The following DNAI1 variants were observed in gnomAD, a reference collection of about 807,000 sequenced individuals.
DNAI1 encodes the protein dynein, axonemal, intermediate polypeptide 1.
DNAI1 carries 67 observed loss-of-function variants against 92.0 expected under a neutral mutation model. That is an observed-to-expected ratio of 0.73 (90% CI 0.60 to 0.89). The LOEUF (loss-of-function observed/expected upper bound fraction) is 0.89, where lower values mean the gene tolerates loss of function less well. Ranked by LOEUF, DNAI1 falls within the 40% of genes least tolerant of loss-of-function variation. DNAI1 has a pLI of 0.00. For synonymous variants in DNAI1, 323 were observed against 319.6 expected (o/e 1.01, Z -0.11); for missense variants, 839 against 866.6 (o/e 0.97, Z 0.40).
intron 1 of DNAI1, among the ~76,000 whole-genome samples, chr9:34,477,557 C>A (rs991161925): frequency 2.0e-5 from 3 of 151,760 alleles, no homozygotes; most frequent in African/African-American, 7.3e-5. Flanking sequence ...TCAGGGAGAT[C>A]AAATGTGGTT....
intron 8 of DNAI1, among the ~76,000 whole-genome samples, chr9:34,492,532 A>ATATATATATATATT (rs1824630371): frequency 8.3e-6 from 1 of 120,296 alleles, no homozygotes; most frequent in South Asian, 2.7e-4. Context: ...ATATATATAT[A>ATATATATATATATT]TATTTGAGAC....
chr9:34,513,872 G>C (rs958480618), intron 16 of DNAI1, among the ~76,000 whole-genome samples: 2 of 151,350 alleles, frequency 1.3e-5, no homozygotes, highest in African/African-American at 4.8e-5. Context: ...GGAGAAAGGG[G>C]CATGCTGGTC....
rs1419781462 is a variant in DNAI1 at position 34,506,744 on chromosome 9, A to G, written c.1181A>G (p.Asp394Gly). 2 of 1,614,012 alleles carry G rather than the reference A, an allele frequency of 1.2e-6. No individual in the cohort carries two copies. The highest frequency in any genetic ancestry group is 2.7e-5 in the African/African-American group (2 of 74,922). The change falls in exon 13 of 20, where the codon GAC (aspartate) becomes GGC (glycine). Residue 394 changes from aspartate (D) to glycine (G), a missense_variant. Coordinates refer to ENST00000242317, the MANE Select transcript of DNAI1 (RefSeq NM_012144.4). ...GTCATGTGTCTCGACATCCACGTGG[A>G]CCACCCCTACCTGGTGGCAGTAGGC... ...SGVMCLDIHV[D>G]HPYLVAVGHY...
intron 13 of DNAI1, among the ~76,000 whole-genome samples, chr9:34,511,140 G>C (rs1009646045): frequency 6.6e-6 from 1 of 152,132 alleles, no homozygotes; most frequent in Non-Finnish European, 1.5e-5. Context: ...CAGCATGGGC[G>C]GTCTGGAGGG....
In DNAI1 at chr9:34,513,203, C is replaced by T. The variant is rs200801942; in HGVS notation, c.1569+12C>T. ...GAAAAATCTACAAGGTGAGGCTGCCCTGTGCCAGCTCCTTAGAAGGCCGCT... is the reference window on the plus strand; with the variant it reads ...GAAAAATCTACAAGGTGAGGCTGCCTTGTGCCAGCTCCTTAGAAGGCCGCT... On this transcript the variant is annotated intron_variant, in intron 16 of 19. Coordinates refer to ENST00000242317, the MANE Select transcript of DNAI1 (RefSeq NM_012144.4). 1.2e-6 allele frequency: 2 copies of T among 1,610,118 alleles called. No homozygotes were observed. The highest frequency in any genetic ancestry group is 1.7e-6 in the Non-Finnish European group (2 of 1,176,430).
intron 1 of DNAI1, among the ~76,000 whole-genome samples, chr9:34,469,965 T>C (rs1418618565): frequency 6.6e-6 from 1 of 152,200 alleles, no homozygotes; most frequent in African/African-American, 2.4e-5. Flanking sequence ...GCTTACACTG[T>C]ATACAGAAAT....
At chr9:34,481,407 T>C (rs1162452730) in intron 1 of DNAI1, among the ~76,000 whole-genome samples, 1 of 152,178 alleles carries the variant, frequency 6.6e-6, no homozygotes, top group African/African-American at 2.4e-5. Context: ...ATGCTGAAAC[T>C]GGGTTGCCTC....
intron 12 of DNAI1, among the ~76,000 whole-genome samples, chr9:34,505,386 A>T (rs1824906166): frequency 6.6e-6 from 1 of 152,078 alleles, no homozygotes; most frequent in South Asian, 2.1e-4. Context: ...TCTTTCCCTT[A>T]TAAGAACCCT....
At chr9:34,481,334 A>C (rs1322268257) in intron 1 of DNAI1, among the ~76,000 whole-genome samples, 1 of 152,272 alleles carries the variant, frequency 6.6e-6, no homozygotes, top group Non-Finnish European at 1.5e-5. Context: ...TTGTTGAACC[A>C]GTTGCAAATA....
intron 19 of DNAI1, among the ~76,000 whole-genome samples, chr9:34,519,627 G>T (rs1026566083): frequency 6.6e-6 from 1 of 152,154 alleles, no homozygotes; most frequent in South Asian, 2.1e-4. Context: ...GTCACAGCAG[G>T]GGGAAATCTG....
intron 1 of DNAI1, among the ~76,000 whole-genome samples, chr9:34,481,682 G>A (rs1039521743): frequency 6.6e-6 from 1 of 152,186 alleles, no homozygotes; most frequent in African/African-American, 2.4e-5. Flanking sequence ...CAGGAGTGAA[G>A]CTGCAGACCT....
chr9:34,511,785 C>T (rs938941985), intron 13 of DNAI1, among the ~76,000 whole-genome samples: 2 of 152,190 alleles, frequency 1.3e-5, no homozygotes, highest in African/African-American at 4.8e-5. Flanking sequence ...TAGCCACTGC[C>T]TTCTCCCCAC....
chr9:34,474,306 C>T (rs1824198846), intron 1 of DNAI1, among the ~76,000 whole-genome samples: 1 of 151,778 alleles, frequency 6.6e-6, no homozygotes. Context: ...TCAGTCTCAG[C>T]TTACTGCAGC....
chr9:34,511,177 C>G (rs1825058400), intron 13 of DNAI1, among the ~76,000 whole-genome samples: 1 of 152,226 alleles, frequency 6.6e-6, no homozygotes, highest in Non-Finnish European at 1.5e-5. Context: ...ACTCTGGGCA[C>G]CCAGCCCCAC....
intron 1 of DNAI1, among the ~76,000 whole-genome samples, chr9:34,462,333 C>A (rs1460500611): frequency 6.6e-6 from 1 of 152,206 alleles, no homozygotes; most frequent in Admixed American, 6.5e-5. Flanking sequence ...GTCTACTCCA[C>A]CCTACCCCAA....
intron 12 of DNAI1, among the ~76,000 whole-genome samples, chr9:34,506,340 C>T (rs1824929113): frequency 6.6e-6 from 1 of 152,206 alleles, no homozygotes; most frequent in Non-Finnish European, 1.5e-5. Context: ...CACTTAGCAG[C>T]TCTTTGAGCC....
In DNAI1 at chr9:34,480,272, C is replaced by CTTTTT. The variant is rs202115133; in HGVS notation, c.49-3156_49-3152dup. Among the ~76,000 whole-genome samples the CTTTTT allele has an allele frequency of 9.4e-4, 93 of 99,396 alleles. 4 individuals are homozygous for CTTTTT. Among genetic ancestry groups the CTTTTT allele is most frequent in the African/African-American group, 1.9e-3 (47 of 25,200 alleles). The allele number at this position is 99,396 out of a possible 152,430, so 65.2% of individuals were successfully genotyped here. A position where few individuals can be genotyped will look rare whatever the true frequency, so the allele number is the denominator to read the frequency against. On this transcript the variant is annotated intron_variant, in intron 1 of 19. Transcript: ENST00000242317. ...ATTTTTGTTGGTTTGTTTGGTGGAACTTTTTTTTTTTTTTTTTTTTTTTTG... is the reference window on the plus strand; with the variant it reads ...ATTTTTGTTGGTTTGTTTGGTGGAACTTTTTTTTTTTTTTTTTTTTTTTTTTTTTG...
At chr9:34,483,087 C>A (rs1465416843) in intron 1 of DNAI1, among the ~76,000 whole-genome samples, 1 of 152,216 alleles carries the variant, frequency 6.6e-6, no homozygotes, top group Non-Finnish European at 1.5e-5. Context: ...CACGCCCACC[C>A]GGAACTCCAG....
intron 4 of DNAI1, among the ~76,000 whole-genome samples, chr9:34,486,243 T>C (rs1324394340): frequency 6.6e-6 from 1 of 152,214 alleles, no homozygotes; most frequent in Non-Finnish European, 1.5e-5. Context: ...TGTGTGCCAG[T>C]GTCAGGTCCT....
Sources: gnomAD v4.1 joint callset for allele counts (sites outside exome capture counted in the v4.1 genomes callset) on GRCh38, gnomAD v4.1.1 for gene constraint, MANE v1.5 for transcripts, NCBI Gene and HGNC (gene_info 2026-07-23, HGNC 2026-07-21) for gene names.